The following LRRTM4 variants were observed in gnomAD, a reference collection of about 807,000 sequenced individuals.
LRRTM4 encodes the protein leucine-rich repeat transmembrane neuronal protein 4.
Under a neutral mutation model 47.6 loss-of-function variants are expected in LRRTM4, and 25 were observed. That is an observed-to-expected ratio of 0.53 (90% CI 0.38 to 0.73). The LOEUF (loss-of-function observed/expected upper bound fraction) is 0.73, where lower values mean the gene tolerates loss of function less well. Ranked by LOEUF, LRRTM4 falls within the 30% of genes least tolerant of loss-of-function variation. The pLI, the probability that LRRTM4 is intolerant of heterozygous loss-of-function variation, is 0.00. For synonymous variants in LRRTM4, 311 were observed against 269.5 expected (o/e 1.15, Z -1.51); for missense variants, 638 against 713.4 (o/e 0.89, Z 1.20).
intron 3 of LRRTM4, among the ~76,000 whole-genome samples, chr2:76,804,359 A>C (rs1675854509): frequency 6.6e-6 from 1 of 152,028 alleles, no homozygotes; most frequent in African/African-American, 2.4e-5. Flanking sequence ...CGTTGCTTGA[A>C]ATTTTATTTG....
intron 3 of LRRTM4, among the ~76,000 whole-genome samples, chr2:77,419,558 GA>G (rs951095887): frequency 2.0e-5 from 3 of 151,724 alleles, no homozygotes; most frequent in Admixed American, 6.6e-5. Context: ...ACAATGACAA[GA>G]AAAAAAATCT....
At chr2:76,888,063 GTA>G (rs1281726282) in intron 3 of LRRTM4, among the ~76,000 whole-genome samples, 1 of 149,564 alleles carries the variant, frequency 6.7e-6, no homozygotes, top group African/African-American at 2.4e-5. Flanking sequence ...ATGTGTGTTT[GTA>G]TATATATACA....
At chr2:76,968,772 G>A (rs1367857014) in intron 3 of LRRTM4, among the ~76,000 whole-genome samples, 1 of 151,706 alleles carries the variant, frequency 6.6e-6, no homozygotes, top group Non-Finnish European at 1.5e-5. Context: ...CCAGGCTCTT[G>A]TCCAGTCTTT....
intron 3 of LRRTM4, among the ~76,000 whole-genome samples, chr2:77,037,114 C>T (rs73940240): frequency 0.025 from 3,750 of 151,716 alleles, 122 homozygotes; most frequent in African/African-American, 0.076. Flanking sequence ...GGCAACTGGA[C>T]GGGGTTCCAC....
At chr2:77,095,699 A>G (rs1367121901) in intron 3 of LRRTM4, among the ~76,000 whole-genome samples, 2 of 151,856 alleles carry the variant, frequency 1.3e-5, no homozygotes, top group Non-Finnish European at 2.9e-5. Flanking sequence ...TAGTAGAGAC[A>G]GGGTTTTTCC....
chr2:77,362,119 A>G (rs190031199), intron 3 of LRRTM4, among the ~76,000 whole-genome samples: 7 of 101,998 alleles, frequency 6.9e-5, no homozygotes, highest in South Asian at 3.4e-4. Context: ...GAAAGAGAGA[A>G]AGAAAGAAAG....
intron 3 of LRRTM4, among the ~76,000 whole-genome samples, chr2:77,417,334 C>T (rs290010): frequency 0.14 from 21,619 of 151,932 alleles, 1,849 homozygotes; most frequent in African/African-American, 0.24. Flanking sequence ...GTCAGTGTGG[C>T]GATTCCTCAG....
intron 3 of LRRTM4, among the ~76,000 whole-genome samples, chr2:77,137,671 C>T (rs941579061): frequency 6.6e-6 from 1 of 152,156 alleles, no homozygotes; most frequent in African/African-American, 2.4e-5. Context: ...TCAAAAGACA[C>T]AGACTGGCAA....
At chr2:77,441,705 A>G (rs1675848945) in intron 3 of LRRTM4, among the ~76,000 whole-genome samples, 2 of 152,198 alleles carry the variant, frequency 1.3e-5, no homozygotes, top group South Asian at 4.1e-4. Flanking sequence ...ATTTCAATGG[A>G]CCATAAAAGC....
chr2:77,270,292 G>A (rs776240353), intron 3 of LRRTM4, among the ~76,000 whole-genome samples: 3 of 152,032 alleles, frequency 2.0e-5, no homozygotes, highest in Non-Finnish European at 2.9e-5. Context: ...TCTTGCTCTC[G>A]GTTTGCCAAA....
chr2:77,322,162 A>G (rs1408768927), intron 3 of LRRTM4, among the ~76,000 whole-genome samples: 2 of 152,138 alleles, frequency 1.3e-5, no homozygotes, highest in Admixed American at 6.5e-5. Flanking sequence ...TTTCCAAAGC[A>G]CTGTTTCTCA....
At chr2:76,851,495 G>A (rs1230395047) in intron 3 of LRRTM4, among the ~76,000 whole-genome samples, 2 of 152,066 alleles carry the variant, frequency 1.3e-5, no homozygotes, top group African/African-American at 2.4e-5. Context: ...TAAAGACCCT[G>A]GCTTGTCCTT....
intron 3 of LRRTM4, among the ~76,000 whole-genome samples, chr2:77,217,440 A>AATATATATATATATATATATATATAT (rs34070418): frequency 2.2e-4 from 17 of 76,788 alleles, no homozygotes; most frequent in East Asian, 4.5e-4. Flanking sequence ...CTCCAAATGA[A>AATATATATATATATATATATATATAT]ATATATATAT....
intron 3 of LRRTM4, among the ~76,000 whole-genome samples, chr2:76,932,390 C>CATTATGAT (rs1473447823): frequency 6.6e-6 from 1 of 152,052 alleles, no homozygotes; most frequent in East Asian, 1.9e-4. Context: ...TAATCTCCAA[C>CATTATGAT]ATGTATACAT....
chr2:76,785,989 A>G lies in LRRTM4; in HGVS notation c.1552-37073T>C, dbSNP rs60084613. Among the ~76,000 whole-genome samples, 251 of 152,258 alleles carry G rather than the reference A, an allele frequency of 1.6e-3. 1 individual carries two copies. Among genetic ancestry groups the G allele is most frequent in the African/African-American group, 5.1e-3 (212 of 41,554 alleles). On this transcript the variant is annotated intron_variant, in intron 3 of 3. Coordinates refer to ENST00000409884, the MANE Select transcript of LRRTM4 (RefSeq NM_001134745.3). ...TTGACGGACTTCTGAACAATATGCA[A>G]TTTAACTCAATGATACCTAGCTGCT... is the stretch of plus-strand genomic sequence containing the variant.
chr2:76,886,262 T>C (rs935801439), intron 3 of LRRTM4, among the ~76,000 whole-genome samples: 2 of 152,206 alleles, frequency 1.3e-5, no homozygotes, highest in Non-Finnish European at 2.9e-5. Context: ...GCAATAGTCA[T>C]TGATCATTTG....
At chr2:76,785,648 A>G (rs1367239595) in intron 3 of LRRTM4, among the ~76,000 whole-genome samples, 4 of 152,158 alleles carry the variant, frequency 2.6e-5, no homozygotes, top group East Asian at 1.9e-4. Flanking sequence ...AAGTAGCTAG[A>G]TAGTATATGT....
intron 3 of LRRTM4, among the ~76,000 whole-genome samples, chr2:77,344,864 T>C (rs981749823): frequency 6.6e-6 from 1 of 151,718 alleles, no homozygotes; most frequent in African/African-American, 2.4e-5. Context: ...CAATCCTTAA[T>C]GTCTCGATGA....
At chr2:76,930,317 G>GGTGCGTGTGCACGC (rs1317426530) in intron 3 of LRRTM4, among the ~76,000 whole-genome samples, 1 of 152,070 alleles carries the variant, frequency 6.6e-6, no homozygotes, top group Non-Finnish European at 1.5e-5. Flanking sequence ...ATGATGCTCA[G>GGTGCGTGTGCACGC]GTGCGTGTGC....
Sources: allele counts gnomAD v4.1 joint callset (sites outside exome capture counted in the v4.1 genomes callset), GRCh38; gene constraint gnomAD v4.1.1; transcripts MANE v1.5; gene names NCBI Gene and HGNC (gene_info 2026-07-23, HGNC 2026-07-21).